WDR7: variants seen among roughly 807,000 people sequenced by gnomAD.
WDR7 encodes the protein WD repeat-containing protein 7.
WDR7 carries 46 observed loss-of-function variants against 169.4 expected under a neutral mutation model. The observed-to-expected ratio is 0.27, with a 90% CI of 0.21 to 0.35. The LOEUF is 0.35. Among genes scored for constraint, WDR7 ranks in the 10% least tolerant of loss-of-function variants. The pLI is 1.00. For synonymous variants in WDR7, 612 were observed against 666.8 expected (o/e 0.92, Z 1.27); for missense variants, 1,534 against 1,859.3 (o/e 0.83, Z 3.22).
chr18:56,682,535 C>G (rs1305371611), intron 4 of WDR7, 144 bp from the exon 5 acceptor site: 5 of 840,516 alleles, frequency 5.9e-6, no homozygotes, highest in Non-Finnish European at 9.1e-6. Context: ...ATAATATGTA[C>G]CATTTGGTAA....
intron 14 of WDR7, among the ~76,000 whole-genome samples, chr18:56,747,431 T>TC (rs2043721785): frequency 6.6e-6 from 1 of 152,188 alleles, no homozygotes; most frequent in African/African-American, 2.4e-5. Flanking sequence ...ATTCATGCAT[T>TC]CATTCAGCAC....
intron 21 of WDR7, among the ~76,000 whole-genome samples, chr18:56,888,621 A>G (rs528960073): frequency 1.7e-4 from 26 of 152,342 alleles, no homozygotes; most frequent in South Asian, 8.3e-4. Context: ...ATGAGGCATT[A>G]TTAGAATGTT....
rs751504290 is a variant in WDR7, at chr18:57,020,726, T to C, written c.4165-19T>C. ...CCTGTGAAATGCTTATCATTCATGA[T>C]ATCTGAATTTTATTTTAGACAATCC... On this transcript the variant is annotated intron_variant, in intron 26 of 27. Transcript: ENST00000254442. 3 of 1,609,390 alleles carry C rather than the reference T, an allele frequency of 1.9e-6. No individual in the cohort carries two copies. In the South Asian group the frequency reaches 3.3e-5, roughly 18 times the overall value.
intron 4 of WDR7, 26 bp from the exon 5 acceptor site, chr18:56,682,652 TC>T: frequency 1.2e-6 from 2 of 1,601,016 alleles, no homozygotes; most frequent in Non-Finnish European, 1.7e-6. Context: ...CACTCAGAAA[TC>T]TTTTTTCCTT....
rs139722672 is a variant in WDR7 at position 56,821,057 on chromosome 18, A to G, written c.3304+4913A>G. Among the ~76,000 whole-genome samples, 1,245 of 152,332 alleles carry G rather than the reference A, an allele frequency of 8.2e-3. 20 individuals are homozygous for G. Among genetic ancestry groups the G allele is most frequent in the African/African-American group, 0.026 (1,093 of 41,584 alleles). On this transcript the variant is annotated intron_variant, in intron 20 of 27. Transcript: ENST00000254442. ...TCAGTAGTCATCTACTCATTCAATC[A>G]GTAAATATTTTTGAGTACTTTACTG... is the stretch of plus-strand genomic sequence containing the variant.
At chr18:56,956,284 G>T (rs2047249316) in intron 25 of WDR7, among the ~76,000 whole-genome samples, 1 of 152,000 alleles carries the variant, frequency 6.6e-6, no homozygotes. Flanking sequence ...AACACAGCTC[G>T]CCCTGAGCTG....
rs552132005 is a variant in WDR7, at chr18:56,837,708, G to A, written c.3304+21564G>A. Among the ~76,000 whole-genome samples the A allele has an allele frequency of 2.8e-4, 43 of 152,208 alleles. No individual in the cohort carries two copies. The South Asian group carries it at 8.9e-3, about 32-fold the overall frequency. The stretch of plus-strand genomic sequence containing the variant: ...GAGTTTCGCTTTTGTCGCCCAGGTT[G>A]GAGTGCAATATGCGTGATCTCGGCT... On this transcript the variant is annotated intron_variant, in intron 20 of 27. Coordinates refer to ENST00000254442, the MANE Select transcript of WDR7 (RefSeq NM_015285.3).
In WDR7 at chr18:56,696,225, C is replaced by G. The variant is rs371237285; in HGVS notation, c.1358-17C>G. On this transcript the variant is annotated splice_polypyrimidine_tract_variant and intron_variant, in intron 11 of 27. Transcript: ENST00000254442. ...ACCTTTAATTTTCCCATTTTAAATC[C>G]AAACCCTCATTCACAGGTTGGCCAC... 103 of 1,580,786 alleles carry G rather than the reference C, an allele frequency of 6.5e-5. No individual in the cohort carries two copies. The highest frequency in any genetic ancestry group is 8.4e-5 in the Non-Finnish European group (98 of 1,162,200).
At chr18:56,699,785 A>G in intron 12 of WDR7, 2 of 981,118 alleles carry the variant, frequency 2.0e-6, no homozygotes, top group Non-Finnish European at 1.2e-6. Flanking sequence ...TTGTCTCCTA[A>G]CTTAGGTAGA....
chr18:56,829,479 C>T (rs1187809824), intron 20 of WDR7, among the ~76,000 whole-genome samples: 1 of 152,136 alleles, frequency 6.6e-6, no homozygotes, highest in Non-Finnish European at 1.5e-5. Flanking sequence ...GGATATTTGG[C>T]AAGTTCTAAC....
At position 56,763,619 on chromosome 18, in the gene WDR7, G is replaced by A. The variant is rs2044015932; in HGVS notation, c.2848+4666G>A. Among the ~76,000 whole-genome samples the A allele has an allele frequency of 2.0e-5, 3 of 152,182 alleles. No individual in the cohort carries two copies. The South Asian group carries it at 6.2e-4, about 32-fold the overall frequency. ...AATGCTGGCCTCACAGAATGAATTA[G>A]GAAGTAGCCCCTTTCCCTGTATTTT... On this transcript the variant is annotated intron_variant, in intron 16 of 27. Transcript: ENST00000254442.
At chr18:56,796,183 T>C (rs935748247) in intron 19 of WDR7, among the ~76,000 whole-genome samples, 5 of 152,188 alleles carry the variant, frequency 3.3e-5, no homozygotes, top group African/African-American at 9.7e-5. Flanking sequence ...TGGTGGAATT[T>C]GTTGGATAGC....
At chr18:56,830,975 G>T (rs2045298217) in intron 20 of WDR7, among the ~76,000 whole-genome samples, 1 of 152,170 alleles carries the variant, frequency 6.6e-6, no homozygotes, top group Non-Finnish European at 1.5e-5. Context: ...GCAGGATGTG[G>T]TATTCACTCT....
chr18:56,831,698 GGGTGA>G (rs1245182209), intron 20 of WDR7, among the ~76,000 whole-genome samples: 1 of 152,052 alleles, frequency 6.6e-6, no homozygotes, highest in Non-Finnish European at 1.5e-5. Context: ...AGCAGAAGCT[GGGTGA>G]GGCGTCGTCT....
chr18:56,676,263 A>G (rs1429860470), intron 2 of WDR7, among the ~76,000 whole-genome samples: 2 of 151,556 alleles, frequency 1.3e-5, no homozygotes, highest in African/African-American at 2.4e-5. Flanking sequence ...GTGTGTTTTT[A>G]TAGGTGAAGT....
At chr18:56,704,830 T>G (rs1004921020) in intron 12 of WDR7, among the ~76,000 whole-genome samples, 1 of 152,208 alleles carries the variant, frequency 6.6e-6, no homozygotes, top group Non-Finnish European at 1.5e-5. Flanking sequence ...TGAAATTTAC[T>G]TTTAATAATG....
At position 56,989,597 on chromosome 18, in the gene WDR7, A is replaced by G. The variant is rs143965035; in HGVS notation, c.4164+27068A>G. Among the ~76,000 whole-genome samples, 247 of 152,318 alleles carry G rather than the reference A, an allele frequency of 1.6e-3. 5 individuals are homozygous for G. In the East Asian group the frequency reaches 0.042, roughly 26 times the overall value. On this transcript the variant is annotated intron_variant, in intron 26 of 27. Transcript: ENST00000254442. ...ATCTACTTATGAAATTAAAATAATA[A>G]CTTCCCTGGCGAAGTGAAAGACTTT...
intron 1 of WDR7, among the ~76,000 whole-genome samples, chr18:56,666,449 A>C (rs2025026595): frequency 6.6e-6 from 1 of 151,712 alleles, no homozygotes; most frequent in Non-Finnish European, 1.5e-5. Context: ...TGATCCACCC[A>C]CTTTGGCCTC....
At chr18:56,938,329 C>T (rs1006825679) in intron 23 of WDR7, among the ~76,000 whole-genome samples, 2 of 152,136 alleles carry the variant, frequency 1.3e-5, no homozygotes, top group African/African-American at 4.8e-5. Flanking sequence ...ATATAATGTT[C>T]AGGAACTTAC....
Sources: gnomAD v4.1 joint callset for allele counts (sites outside exome capture counted in the v4.1 genomes callset) on GRCh38, gnomAD v4.1.1 for gene constraint, MANE v1.5 for transcripts, NCBI Gene and HGNC (gene_info 2026-07-23, HGNC 2026-07-21) for gene names.